The following PSMD11 variants were observed in gnomAD, a reference collection of about 807,000 sequenced individuals.
PSMD11 encodes the protein 26S proteasome non-ATPase regulatory subunit 11.
PSMD11 carries 5 observed loss-of-function variants against 62.3 expected under a neutral mutation model. The observed-to-expected ratio is 0.08, with a 90% CI of 0.04 to 0.17. The LOEUF is 0.17. Among genes scored for constraint, PSMD11 ranks in the 10% least tolerant of loss-of-function variants. The probability of loss-of-function intolerance (pLI) is 1.00; values close to 1 mark genes in which losing one functional copy is unlikely to be tolerated. For synonymous variants in PSMD11, 191 were observed against 191.8 expected, an observed-to-expected ratio of 1.00 and a Z score of 0.03; for missense variants, 310 against 512.9, an observed-to-expected ratio of 0.60 and a Z score of 3.82.
intron 5 of PSMD11, among the ~76,000 whole-genome samples, chr17:32,467,190 G>A (rs976772133): frequency 4.0e-5 from 6 of 150,792 alleles, no homozygotes; most frequent in African/African-American, 7.3e-5. Context: ...TGATCTGCCC[G>A]CCTTGGCCTC....
At chr17:32,468,711 T>G (rs1439933073) in intron 5 of PSMD11, among the ~76,000 whole-genome samples, 1 of 152,192 alleles carries the variant, frequency 6.6e-6, no homozygotes, top group Non-Finnish European at 1.5e-5. Flanking sequence ...ATTTAGCATT[T>G]TATAGGTAGA....
At position 32,444,587 on chromosome 17, in the gene PSMD11, G is replaced by T; in HGVS notation, c.64G>T (p.Ala22Ser). The T allele has an allele frequency of 6.2e-7, 1 of 1,611,874 alleles. No individual in the cohort carries two copies. Among genetic ancestry groups the T allele is most frequent in the Non-Finnish European group, 8.5e-7 (1 of 1,179,358 alleles). ...AQSLLSTDREASIDILHSIVK... is the reference protein window; with the variant it reads ...AQSLLSTDRESSIDILHSIVK... ...GTCTCTACTCAGCACCGACCGGGAG[G>T]CCTCCATCGACATCCTCCACTCCAT... The change falls in exon 1 of 14, where the codon GCC becomes TCC. Residue 22 changes from alanine (A) to serine (S), a missense_variant. Around this residue, in one of 6 missense-constraint regions of PSMD11, gnomAD observed 50 missense variants for 94.4 expected, o/e 0.53. Coordinates refer to ENST00000261712, the MANE Select transcript of PSMD11 (RefSeq NM_002815.4).
chr17:32,469,137 C>T lies in PSMD11; in HGVS notation c.587C>T (p.Thr196Ile), dbSNP rs758163256. The T allele has an allele frequency of 1.2e-6, 2 of 1,614,158 alleles. No homozygotes were observed. The highest frequency in any genetic ancestry group is 1.1e-5 in the South Asian group (1 of 91,080). ...GCTGCCTTAACTTCTGCTCGAACCACAGCAAATGCCATCTACTGCCCCCCT... is the reference window on the plus strand; with the variant it reads ...GCTGCCTTAACTTCTGCTCGAACCATAGCAAATGCCATCTACTGCCCCCCT... ...ARAALTSART[T>I]ANAIYCPPKL... is the part of the protein sequence containing the mutation. The change falls in exon 6 of 14, where the codon ACA becomes ATA. Residue 196 changes from threonine to isoleucine, a missense_variant. By Grantham distance (89) the Thr-to-Ile change is moderately conservative (BLOSUM62 -1). Transcript: ENST00000261712.
At chr17:32,457,948 C>T (rs1907699167) in intron 3 of PSMD11, among the ~76,000 whole-genome samples, 1 of 152,018 alleles carries the variant, frequency 6.6e-6, no homozygotes, top group South Asian at 2.1e-4. Flanking sequence ...TTACAGGTGC[C>T]CGCCACTGCA....
rs573080628 is a variant in PSMD11 at position 32,470,712 on chromosome 17, G to GT, written c.643+1525dup. Among the ~76,000 whole-genome samples, 365 of 152,278 alleles carry GT rather than the reference G, an allele frequency of 2.4e-3. 6 individuals are homozygous for GT. Among genetic ancestry groups the GT allele is most frequent in the Admixed American group, 0.019 (287 of 15,292 alleles). On this transcript the variant is annotated intron_variant, in intron 6 of 13. Transcript: ENST00000261712. ...TTCTTGGGCCTTATTTTATTTATTTGTTTTTTAACCATACATATTTTTGGG... is the reference window on the plus strand; with the variant it reads ...TTCTTGGGCCTTATTTTATTTATTTGTTTTTTTAACCATACATATTTTTGGG...
chr17:32,452,038 T>C (rs1907517507), intron 2 of PSMD11, among the ~76,000 whole-genome samples: 1 of 152,208 alleles, frequency 6.6e-6, no homozygotes, highest in African/African-American at 2.4e-5. Context: ...CCTAGTTCTC[T>C]TTTTGGTTAG....
chr17:32,444,945 C>G (rs1419668203), intron 1 of PSMD11: 6 of 419,736 alleles, frequency 1.4e-5, no homozygotes. Context: ...TGGTCTGGGA[C>G]CCGGAGCAGT....
chr17:32,458,917 T>C (rs1907727371), intron 3 of PSMD11, among the ~76,000 whole-genome samples: 1 of 151,916 alleles, frequency 6.6e-6, no homozygotes. Context: ...CTTTGTTTCC[T>C]TTTTAACAAT....
At position 32,469,138 on chromosome 17, in the gene PSMD11, A is replaced by C. The variant is rs1489357128; in HGVS notation, c.588A>C (p.Thr196=). Residue 196 remains threonine, a synonymous_variant, in exon 6 of 14, where the codon ACA becomes ACC. Transcript: ENST00000261712. ...ARAALTSART[T]ANAIYCPPKL... is the part of the protein sequence containing the mutation. Reference sequence around the variant, plus strand: ...CTGCCTTAACTTCTGCTCGAACCACAGCAAATGCCATCTACTGCCCCCCTA... The same window carrying C: ...CTGCCTTAACTTCTGCTCGAACCACCGCAAATGCCATCTACTGCCCCCCTA... The C allele has an allele frequency of 6.2e-7, 1 of 1,614,036 alleles. No homozygotes were observed. The highest frequency in any genetic ancestry group is 1.3e-5 in the African/African-American group (1 of 74,914).
intron 9 of PSMD11, 171 bp downstream of exon 9, chr17:32,477,754 A>G (rs1908371656): frequency 2.3e-6 from 1 of 438,460 alleles, no homozygotes; most frequent in Non-Finnish European, 4.0e-6. Context: ...CACTTTGTAC[A>G]ATGAAACTTA....
intron 1 of PSMD11, chr17:32,445,948 G>GATATTTT (rs1479146689): frequency 1.3e-5 from 2 of 152,194 alleles, no homozygotes; most frequent in Non-Finnish European, 2.9e-5. Context: ...CCGTTACATG[G>GATATTTT]ATATTTTATT....
At chr17:32,473,266 G>C (rs139097601) in intron 6 of PSMD11, among the ~76,000 whole-genome samples, 4 of 150,676 alleles carry the variant, frequency 2.7e-5, no homozygotes, top group Non-Finnish European at 5.9e-5. Context: ...TTACAGGAGT[G>C]AACCCCTGCA....
intron 10 of PSMD11, 99 bp downstream of exon 10, chr17:32,479,475 T>C (rs1307427548): frequency 1.3e-6 from 2 of 1,489,086 alleles, no homozygotes; most frequent in East Asian, 4.5e-5. Context: ...TCTAGGGGTG[T>C]GCCTGGTGGG....
intron 3 of PSMD11, among the ~76,000 whole-genome samples, chr17:32,462,681 ATTTCT>A (rs538699719): frequency 9.9e-5 from 15 of 152,122 alleles, no homozygotes; most frequent in East Asian, 5.8e-4. Context: ...TTCTTACAGC[ATTTCT>A]TTTCTTTTCT....
chr17:32,467,242 C>CA (rs1908020466), intron 5 of PSMD11, among the ~76,000 whole-genome samples: 9 of 120,536 alleles, frequency 7.5e-5, no homozygotes, highest in Non-Finnish European at 3.5e-5. Flanking sequence ...CATGCCCGGC[C>CA]TTTTTTTTTT....
chr17:32,463,285 G>T (rs1907894233), intron 3 of PSMD11: 1 of 152,154 alleles, frequency 6.6e-6, no homozygotes, highest in African/African-American at 2.4e-5. Context: ...AGTAGTAGGG[G>T]TTCAGAGTGC....
At chr17:32,451,762 A>C (rs1460479285) in intron 2 of PSMD11, among the ~76,000 whole-genome samples, 2 of 152,144 alleles carry the variant, frequency 1.3e-5, no homozygotes, top group Admixed American at 1.3e-4. Flanking sequence ...TTTTTGAGAC[A>C]GAGTCTCACT....
intron 3 of PSMD11, 121 bp downstream of exon 3, chr17:32,454,740 T>C (rs1348345327): frequency 9.4e-7 from 1 of 1,058,312 alleles, no homozygotes; most frequent in Non-Finnish European, 1.3e-6. Flanking sequence ...AGCGCAGGAC[T>C]TATCATGTCA....
At chr17:32,463,830 A>G (rs1907914139) in intron 3 of PSMD11, among the ~76,000 whole-genome samples, 1 of 151,522 alleles carries the variant, frequency 6.6e-6, no homozygotes. Flanking sequence ...CTCTTTTCCT[A>G]AAAAACATAA....
Sources: allele counts gnomAD v4.1 joint callset (sites outside exome capture counted in the v4.1 genomes callset), GRCh38; gene constraint gnomAD v4.1.1; regional missense constraint gnomAD v4.1.1; transcripts MANE v1.5; gene names NCBI Gene and HGNC (gene_info 2026-07-23, HGNC 2026-07-21).